CUBN: variants seen among roughly 807,000 people sequenced by gnomAD.
CUBN encodes the protein cubilin.
Under a neutral mutation model 405.3 loss-of-function variants are expected in CUBN, and 282 were observed. The observed-to-expected ratio is 0.70, with a 90% CI of 0.63 to 0.77. The LOEUF (loss-of-function observed/expected upper bound fraction) is 0.77, where lower values mean the gene tolerates loss of function less well. Ranked by LOEUF, CUBN falls within the 30% of genes least tolerant of loss-of-function variation. CUBN has a pLI of 0.00. For missense variants in CUBN, 4,514 were observed against 4,475.2 expected (o/e 1.01, Z -0.25); for synonymous variants, 1,684 against 1,617.0 (o/e 1.04, Z -0.99).
chr10:16,858,978 T>C (rs967248076), intron 59 of CUBN, among the ~76,000 whole-genome samples: 1 of 152,200 alleles, frequency 6.6e-6, no homozygotes, highest in Non-Finnish European at 1.5e-5. Context: ...GAGCTCAAAA[T>C]GGATCATAGA....
At chr10:17,113,364 G>A (rs890520158) in intron 8 of CUBN, among the ~76,000 whole-genome samples, 1 of 152,052 alleles carries the variant, frequency 6.6e-6, no homozygotes. Flanking sequence ...ATGAACCTGA[G>A]GTCTGGCTAA....
At chr10:16,939,468 C>T (rs1842599252) in intron 37 of CUBN, among the ~76,000 whole-genome samples, 2 of 152,064 alleles carry the variant, frequency 1.3e-5, no homozygotes, top group South Asian at 4.2e-4. Context: ...ATCTATTTTA[C>T]TTTGTTTTTC....
chr10:17,004,713 A>G (rs1833971535), intron 28 of CUBN, among the ~76,000 whole-genome samples: 1 of 143,452 alleles, frequency 7.0e-6, no homozygotes, highest in Admixed American at 7.3e-5. Flanking sequence ...TCTATTGCCC[A>G]GGCTGGAGCG....
intron 64 of CUBN, among the ~76,000 whole-genome samples, chr10:16,832,466 G>A (rs1162937880): frequency 6.6e-6 from 1 of 152,078 alleles, no homozygotes; most frequent in Non-Finnish European, 1.5e-5. Flanking sequence ...AGTGCTTTGG[G>A]GATTATTCTG....
At chr10:17,082,818 G>A (rs1415838092) in intron 17 of CUBN, among the ~76,000 whole-genome samples, 1 of 152,060 alleles carries the variant, frequency 6.6e-6, no homozygotes, top group Non-Finnish European at 1.5e-5. Flanking sequence ...ATGTAACCAT[G>A]GACAAGTAAC....
At chr10:17,069,426 T>A (rs1024058163) in intron 19 of CUBN, among the ~76,000 whole-genome samples, 5 of 152,230 alleles carry the variant, frequency 3.3e-5, no homozygotes, top group African/African-American at 4.8e-5. Flanking sequence ...TCAAGGTGGC[T>A]GTACCAGTTT....
chr10:16,952,525 T>G (rs1842949483), intron 32 of CUBN, 136 bp from the exon 33 acceptor site: 1 of 672,316 alleles, frequency 1.5e-6, no homozygotes, highest in Admixed American at 2.1e-5. Context: ...AAGTTCTCCA[T>G]AAGGAGAGCT....
In CUBN at chr10:17,115,521, G is replaced by T. The variant is rs143120669; in HGVS notation, c.670C>A (p.Arg224Ser). The change falls in exon 7 of 67, where the codon CGC becomes AGC. Residue 224 changes from arginine to serine, a missense_variant. By Grantham distance (110) the Arg-to-Ser change is moderately radical. Transcript: ENST00000377833. ...TCCTCACAGATGCCATGGACACAGC[G>T]TGCCACAGAACCCCCTTCACAGTCG... The part of the protein sequence containing the change: ...YDDCEGGSVA[R>S]CVHGICEDLM... The T allele has an allele frequency of 1.3e-5, 21 of 1,614,004 alleles. No homozygotes were observed. The African/African-American group carries it at 2.4e-4, about 18-fold the overall frequency.
At chr10:16,893,969 T>C (rs1030076602) in intron 54 of CUBN, among the ~76,000 whole-genome samples, 3 of 152,226 alleles carry the variant, frequency 2.0e-5, no homozygotes, top group Non-Finnish European at 4.4e-5. Context: ...TAATTCATAC[T>C]TCTCCAGAAG....
chr10:17,049,248 G>A (rs1258624024), intron 22 of CUBN, among the ~76,000 whole-genome samples: 1 of 152,150 alleles, frequency 6.6e-6, no homozygotes, highest in African/African-American at 2.4e-5. Flanking sequence ...GCTAAAAAAA[G>A]GACATCAAAT....
rs769881615 is a variant in CUBN, at chr10:16,954,407, G to A, written c.4837C>T (p.Arg1613Ter). 17 of 1,614,148 alleles carry A rather than the reference G, an allele frequency of 1.1e-5. No homozygotes were observed. The highest frequency in any genetic ancestry group is 4.5e-5 in the East Asian group (2 of 44,884). ...TACTTGCCTTGCCTGAATTGAGCTC[G>A]GAAGCCTCTGTTCTGTCTGGAAGGG... Reference protein sequence around the residue: ...SGPSRQNRGFRAQFRQACGGH... With the variant: ...SGPSRQNRGF Residue 1613 changes from arginine (R) to a stop codon, truncating the protein, a stop_gained, in exon 32 of 67, where the codon CGA becomes TGA. Transcript: ENST00000377833. LOFTEE classifies it high-confidence loss of function.
chr10:17,065,546 C>T lies in CUBN; in HGVS notation c.3101G>A (p.Gly1034Asp), dbSNP rs778092585. 6 of 1,613,516 alleles carry T rather than the reference C, an allele frequency of 3.7e-6. No individual in the cohort carries two copies. The highest frequency in any genetic ancestry group is 5.1e-6 in the Non-Finnish European group (6 of 1,179,606). The change falls in exon 22 of 67, where the codon GGC becomes GAC. Residue 1034 changes from glycine to aspartate, a missense_variant. Gly to Asp is a moderately conservative substitution (Grantham distance 94). Transcript: ENST00000377833. The part of the protein sequence containing the change: ...FVTDSDLAYE[G>D]FLINYEAISA... The stretch of plus-strand genomic sequence containing the variant: ...GATTGCTTCATAGTTTATTAAGAAG[C>T]CTTCATAAGCGAGGTCGGAGTCAGT...
At chr10:16,835,612 C>CTTTTT (rs55897455) in intron 63 of CUBN, among the ~76,000 whole-genome samples, 7 of 146,426 alleles carry the variant, frequency 4.8e-5, no homozygotes, top group African/African-American at 1.8e-4. Flanking sequence ...CGTTATTTAC[C>CTTTTT]TTTTTTTTTT....
rs1445067148 is a variant in CUBN at position 16,916,104 on chromosome 10, G to A, written c.7001-74C>T. On this transcript the variant is annotated intron_variant, in intron 45 of 66. Transcript: ENST00000377833. ...AAAGATTGATTCTATTACAAATTTT[G>A]TTTTCTTCATTTCACCAGCACATTT... The A allele has an allele frequency of 8.8e-6, 13 of 1,479,712 alleles. No homozygotes were observed. In the Admixed American group the frequency reaches 2.1e-4, roughly 24 times the overall value. The allele number at this position is 1,479,712 out of a possible 1,614,324, so 91.7% of individuals were successfully genotyped here.
intron 4 of CUBN, 136 bp downstream of exon 4, chr10:17,126,625 G>T: frequency 1.1e-6 from 1 of 918,678 alleles, no homozygotes. Context: ...ATGCTGGGAT[G>T]AGAATTAAAT....
chr10:17,004,371 G>C (rs1185350198), intron 28 of CUBN, among the ~76,000 whole-genome samples: 2 of 152,194 alleles, frequency 1.3e-5, no homozygotes, highest in Non-Finnish European at 2.9e-5. Context: ...CCAACATGTA[G>C]TTTATTCCAA....
chr10:16,953,175 G>A (rs1211842765), intron 32 of CUBN, among the ~76,000 whole-genome samples: 2 of 152,182 alleles, frequency 1.3e-5, no homozygotes, highest in Non-Finnish European at 2.9e-5. Context: ...AGAGAGATGG[G>A]GTAAGGGTAG....
chr10:17,084,380 G>A lies in CUBN; in HGVS notation c.2192C>T (p.Thr731Ile), dbSNP rs746213558. ...CTTCATCATATAGACGCATTGCCTG[G>A]TGTGAGTGAAAGGCCCAGACAACTC... Reference protein sequence around the residue: ...LPELSGPFTHTRQCVYMMKQP... With the variant: ...LPELSGPFTHIRQCVYMMKQP... The change falls in exon 17 of 67, where the codon ACC becomes ATC. Residue 731 changes from threonine to isoleucine, a missense_variant. By Grantham distance (89) the Thr-to-Ile change is moderately conservative. Coordinates refer to ENST00000377833, the MANE Select transcript of CUBN (RefSeq NM_001081.4). 3.3e-5 allele frequency: 54 copies of A among 1,613,982 alleles called. No homozygotes were observed. Among genetic ancestry groups the A allele is most frequent in the Non-Finnish European group, 4.3e-5 (51 of 1,180,018 alleles).
At chr10:16,902,322 T>A (rs1214128010) in intron 51 of CUBN, among the ~76,000 whole-genome samples, 1 of 143,746 alleles carries the variant, frequency 7.0e-6, no homozygotes, top group Non-Finnish European at 1.5e-5. Context: ...TATATATTTG[T>A]ATATATATAT....
Sources: allele counts gnomAD v4.1 joint callset (sites outside exome capture counted in the v4.1 genomes callset), GRCh38; gene constraint gnomAD v4.1.1; transcripts MANE v1.5; gene names NCBI Gene and HGNC (gene_info 2026-07-23, HGNC 2026-07-21).